The following SUGCT variants were observed in gnomAD, a reference collection of about 807,000 sequenced individuals.
SUGCT encodes succinyl-CoA:glutarate-CoA transferase, also known as succinyl-CoA:glutarate CoA-transferase.
Under a neutral mutation model 55.0 loss-of-function variants are expected in SUGCT, and 41 were observed. The ratio of observed to expected loss-of-function variants is 0.74; its 90% confidence interval spans 0.58 to 0.97. The LOEUF is 0.97. SUGCT is among the 50% of genes least tolerant of loss of function. The pLI is 0.00. For missense variants in SUGCT, 568 were observed against 547.8 expected (o/e 1.04, Z -0.37); for synonymous variants, 187 against 200.4 (o/e 0.93, Z 0.56).
chr7:40,645,027 G>C (rs970358527), intron 12 of SUGCT, among the ~76,000 whole-genome samples: 1 of 152,138 alleles, frequency 6.6e-6, no homozygotes, highest in Non-Finnish European at 1.5e-5. Flanking sequence ...CCCGCTGCAG[G>C]CCTTTTAATC....
chr7:40,565,489 A>G (rs1796078314), intron 12 of SUGCT, among the ~76,000 whole-genome samples: 1 of 152,102 alleles, frequency 6.6e-6, no homozygotes, highest in African/African-American at 2.4e-5. Context: ...CTTTGATTCA[A>G]CAAATCTTTA....
chr7:40,218,998 A>G (rs1584373879), intron 6 of SUGCT, among the ~76,000 whole-genome samples: 1 of 147,034 alleles, frequency 6.8e-6, no homozygotes, highest in Non-Finnish European at 1.5e-5. Context: ...AAGTCTTGCT[A>G]CTACTCACTC....
At chr7:40,358,616 A>T (rs112559088) in intron 9 of SUGCT, among the ~76,000 whole-genome samples, 1 of 152,066 alleles carries the variant, frequency 6.6e-6, no homozygotes, top group African/African-American at 2.4e-5. Flanking sequence ...CGGAAGGTTG[A>T]AGCAGGAGAA....
At chr7:40,519,990 TATC>T (rs1793441956) in intron 12 of SUGCT, among the ~76,000 whole-genome samples, 1 of 152,104 alleles carries the variant, frequency 6.6e-6, no homozygotes, top group Non-Finnish European at 1.5e-5. Flanking sequence ...GGTTCTGTTA[TATC>T]ATATTATGCT....
At chr7:40,224,424 GTGTGTGCA>G (rs1005941844) in intron 6 of SUGCT, among the ~76,000 whole-genome samples, 39 of 149,490 alleles carry the variant, frequency 2.6e-4, no homozygotes, top group African/African-American at 1.0e-3. Flanking sequence ...GTGTGTGTGT[GTGTGTGCA>G]TGCATGTGTA....
chr7:40,372,725 A>G (rs550738132), intron 9 of SUGCT, among the ~76,000 whole-genome samples: 24 of 152,212 alleles, frequency 1.6e-4, no homozygotes, highest in Middle Eastern at 6.8e-3. Flanking sequence ...AAAGAGGAAC[A>G]TAAAGATCAC....
chr7:40,759,929 A>G (rs1331444356), intron 13 of SUGCT, among the ~76,000 whole-genome samples: 6 of 152,130 alleles, frequency 3.9e-5, no homozygotes, highest in Admixed American at 3.3e-4. Flanking sequence ...TTGTTAGGCC[A>G]TTTTAATATT....
chr7:40,841,876 G>A (rs569396151), intron 13 of SUGCT, among the ~76,000 whole-genome samples: 110 of 152,230 alleles, frequency 7.2e-4, no homozygotes, highest in African/African-American at 2.5e-3. Flanking sequence ...AATATTACTC[G>A]TGTATTTAAT....
chr7:40,790,757 ACT>A (rs1474899197), intron 13 of SUGCT, among the ~76,000 whole-genome samples: 3 of 152,076 alleles, frequency 2.0e-5, no homozygotes, highest in Admixed American at 6.6e-5. Context: ...TTTTTTAGAA[ACT>A]CTAACTTATC....
At chr7:40,854,433 T>TTTCTTTCTTTCTTTCTTTCC in intron 13 of SUGCT, among the ~76,000 whole-genome samples, 1 of 142,968 alleles carries the variant, frequency 7.0e-6, no homozygotes, top group Non-Finnish European at 1.5e-5. Flanking sequence ...TCTTTCTTTC[T>TTTCTTTCTTTCTTTCTTTCC]TTCTTTCTTT....
intron 12 of SUGCT, among the ~76,000 whole-genome samples, chr7:40,578,594 G>A (rs1796905109): frequency 6.6e-6 from 1 of 151,704 alleles, no homozygotes; most frequent in Non-Finnish European, 1.5e-5. Context: ...ATTAGCATCA[G>A]CTGGGGAACA....
intron 12 of SUGCT, among the ~76,000 whole-genome samples, chr7:40,740,934 A>T (rs1787429196): frequency 6.6e-6 from 1 of 152,226 alleles, no homozygotes; most frequent in South Asian, 2.1e-4. Flanking sequence ...TTTCAATTCC[A>T]GTATTTTCAT....
chr7:40,873,942 C>T, the SUGCT span, among the ~76,000 whole-genome samples: 27 of 152,302 alleles, frequency 1.8e-4, no homozygotes, highest in South Asian at 1.7e-3. Flanking sequence ...GGAAATGAGC[C>T]TTCATCTTCA....
intron 12 of SUGCT, among the ~76,000 whole-genome samples, chr7:40,609,656 C>T (rs1798685482): frequency 6.6e-6 from 1 of 151,658 alleles, no homozygotes; most frequent in Non-Finnish European, 1.5e-5. Context: ...GCACTGAAAA[C>T]TCTTAAAAAA....
chr7:40,818,215 T>G (rs1791777561), intron 13 of SUGCT, among the ~76,000 whole-genome samples: 1 of 152,238 alleles, frequency 6.6e-6, no homozygotes, highest in East Asian at 1.9e-4. Flanking sequence ...ACAGGCAGTC[T>G]GCCATCAACC....
chr7:40,714,699 G>A (rs1286215008), intron 12 of SUGCT, among the ~76,000 whole-genome samples: 1 of 152,138 alleles, frequency 6.6e-6, no homozygotes, highest in Non-Finnish European at 1.5e-5. Context: ...GTCACAAATA[G>A]TTTTTCTCAG....
intron 1 of SUGCT, among the ~76,000 whole-genome samples, chr7:40,170,090 A>G (rs1292240693): frequency 6.6e-6 from 1 of 152,108 alleles, no homozygotes. Context: ...AAGTTAGCAA[A>G]TGTCTGTGGC....
chr7:40,962,907 C>A, the SUGCT span, among the ~76,000 whole-genome samples: 1 of 152,124 alleles, frequency 6.6e-6, no homozygotes, highest in South Asian at 2.1e-4. Context: ...CTCTTTTAGG[C>A]AGGTTTCCAG....
At chr7:40,551,702 A>G (rs1795307487) in intron 12 of SUGCT, among the ~76,000 whole-genome samples, 1 of 152,228 alleles carries the variant, frequency 6.6e-6, no homozygotes, top group Non-Finnish European at 1.5e-5. Context: ...AGAGACAAAC[A>G]TAAACATGAT....
Sources: allele counts gnomAD v4.1 joint callset (sites outside exome capture counted in the v4.1 genomes callset), GRCh38; gene constraint gnomAD v4.1.1; transcripts MANE v1.5; gene names NCBI Gene and HGNC (gene_info 2026-07-23, HGNC 2026-07-21).